Variants in CHEK1 observed in about 807,000 individuals in gnomAD.
CHEK1 encodes the protein checkpoint kinase 1.
A neutral mutation model predicts 60.2 loss-of-function variants in CHEK1; 32 were observed. The ratio of observed to expected loss-of-function variants is 0.53; its 90% CI spans 0.40 to 0.71. CHEK1 has a LOEUF of 0.71. Among genes scored for constraint, CHEK1 ranks in the 30% least tolerant of loss-of-function variants. The probability of loss-of-function intolerance (pLI) is 0.00; values close to 1 mark genes in which losing one functional copy is unlikely to be tolerated. For missense variants in CHEK1, 399 were observed against 564.6 expected (o/e 0.71, Z 2.97); for synonymous variants, 179 against 187.2 (o/e 0.96, Z 0.36).
downstream of CHEK1, chr11:125,676,615 G>T: frequency 2.7e-6 from 3 of 1,130,484 alleles, no homozygotes; most frequent in Non-Finnish European, 3.8e-6. Context: ...TGGGGATCTG[G>T]GCCCTGTGTC....
chr11:125,677,794 C>T (rs754933761), downstream of CHEK1: 24 of 1,613,524 alleles, frequency 1.5e-5, no homozygotes, highest in Admixed American at 3.3e-5. Context: ...AAACATGGCT[C>T]ACCTGTAGAT....
chr11:125,677,909 T>G, downstream of CHEK1: 1 of 1,614,020 alleles, frequency 6.2e-7, no homozygotes, highest in Non-Finnish European at 8.5e-7. Context: ...CGGAGCCATG[T>G]TCACCTGAAG....
intron 7 of CHEK1, among the ~76,000 whole-genome samples, chr11:125,637,183 G>C (rs183383148): frequency 1.3e-5 from 2 of 152,188 alleles, no homozygotes; most frequent in South Asian, 2.1e-4. Flanking sequence ...TGTTAATCTC[G>C]TCACATGAGG....
rs778721878 is a variant in CHEK1 at position 125,627,754 on chromosome 11, T to C, written c.213T>C (p.Tyr71=). The change falls in exon 3 of 13, where the codon TAT becomes TAC. Residue 71 remains tyrosine (Y), a synonymous_variant. Coordinates refer to ENST00000438015, the MANE Select transcript of CHEK1 (RefSeq NM_001114122.3). ...ATCATGAAAATGTAGTAAAATTCTA[T>C]GGTCACAGGAGAGAAGGCAATATCC... ...MLNHENVVKF[Y]GHRREGNIQY... 1.2e-6 allele frequency: 2 copies of C among 1,613,540 alleles called. No homozygotes were observed. The highest frequency in any genetic ancestry group is 1.7e-6 in the Non-Finnish European group (2 of 1,179,870).
rs183503651 is a variant in CHEK1 at position 125,648,782 on chromosome 11, A to G, written c.1233+4139A>G. ...AGTTTCGAGTCTTTCAGCATTAAGT[A>G]TGATGTTAGCTGTGGGGTTTTTGTT... On this transcript the variant is annotated intron_variant, in intron 11 of 12. Transcript: ENST00000438015. Among the ~76,000 whole-genome samples, 23 of 152,116 alleles carry G rather than the reference A, an allele frequency of 1.5e-4. 1 individual carries two copies. The highest frequency in any genetic ancestry group is 1.4e-3 in the Admixed American group (22 of 15,272).
Position 125,633,240 on chromosome 11 carries a change from T to G in CHEK1, c.502T>G (p.Cys168Gly), listed in dbSNP as rs745384189. The change falls in exon 6 of 13, where the codon TGT becomes GGT. Residue 168 changes from cysteine to glycine, a missense_variant. Physicochemically the swap from Cys to Gly is radical, Grantham distance 159. Around this residue, in one of 2 missense-constraint regions of CHEK1, gnomAD observed 370 missense variants for 494.8 expected, o/e 0.75. Transcript: ENST00000438015. ...NNRERLLNKM[C>G]GTLPYVAPEL... is the part of the protein sequence containing the mutation. ...TCGTGAGCGTTTGTTGAACAAGATG[T>G]GTGGTACTTTACCATATGTTGCTCC... The G allele has an allele frequency of 6.2e-7, 1 of 1,606,872 alleles. No individual in the cohort carries two copies. Among genetic ancestry groups the G allele is most frequent in the Admixed American group, 1.7e-5 (1 of 57,478 alleles).
chr11:125,657,973 A>G (rs1941949984), downstream of CHEK1, among the ~76,000 whole-genome samples: 1 of 152,268 alleles, frequency 6.6e-6, no homozygotes, highest in Non-Finnish European at 1.5e-5. Flanking sequence ...GATCTAAAGC[A>G]TAAGAATGTT....
In CHEK1 at chr11:125,627,716, A is replaced by C; in HGVS notation, c.175A>C (p.Asn59His). The stretch of plus-strand genomic sequence containing the variant: ...AAATATTAAGAAAGAGATCTGTATC[A>C]ATAAAATGCTAAATCATGAAAATGT... ...PENIKKEICI[N>H]KMLNHENVVK... Residue 59 changes from asparagine to histidine, a missense_variant, in exon 3 of 13, where the codon AAT (asparagine) becomes CAT (histidine). This residue lies in a region of CHEK1 where 370 missense variants were observed against 494.8 expected (regional missense o/e 0.75). Coordinates refer to ENST00000438015, the MANE Select transcript of CHEK1 (RefSeq NM_001114122.3). 6.2e-7 allele frequency: 1 copy of C among 1,613,782 alleles called. No homozygotes were observed. The highest frequency in any genetic ancestry group is 1.3e-5 in the African/African-American group (1 of 75,054).
At chr11:125,654,258 AG>A (rs1260337374) in intron 12 of CHEK1, among the ~76,000 whole-genome samples, 1 of 152,156 alleles carries the variant, frequency 6.6e-6, no homozygotes, top group Non-Finnish European at 1.5e-5. Flanking sequence ...TGAACCTGGG[AG>A]GCGGAGGTTG....
rs2135963730 is a variant in CHEK1 at position 125,625,571 on chromosome 11, C to T, written c.-462C>T. ...CTGTCCGGTGGCCTCACGCAGGTGGCGGTGCAGCCTTTCAGGCCCAGAGCG... is the reference window on the plus strand; with the variant it reads ...CTGTCCGGTGGCCTCACGCAGGTGGTGGTGCAGCCTTTCAGGCCCAGAGCG... On this transcript the variant is annotated 5_prime_UTR_variant, in exon 1 of 13. Transcript: ENST00000438015. The T allele has an allele frequency of 1.7e-6, 1 of 589,000 alleles. No individual in the cohort carries two copies. The highest frequency in any genetic ancestry group is 3.0e-6 in the Non-Finnish European group (1 of 329,878). The allele number at this position is 589,000 out of a possible 1,614,324, so 36.5% of individuals were successfully genotyped here.
Position 125,655,570 on chromosome 11 carries a change from T to C in CHEK1, c.*250T>C, listed in dbSNP as rs1358449867. The C allele has an allele frequency of 3.2e-6, 1 of 311,116 alleles. No homozygotes were observed. The highest frequency in any genetic ancestry group is 4.8e-5 in the East Asian group (1 of 20,650). 19.3% of individuals were successfully genotyped at this position (311,116 alleles called of 1,614,324 possible). A position where few individuals can be genotyped will look rare whatever the true frequency, so the allele number is the denominator to read the frequency against. ...TCATTTGATTATTTCTTCATGTGTG[T>C]TTAGTATCTGAATTTGAAACTCATC... On this transcript the variant is annotated 3_prime_UTR_variant, in exon 13 of 13. Transcript: ENST00000438015.
At chr11:125,626,550 G>GCGATTGTGATTTACACGACA (rs1390446785) in intron 1 of CHEK1, 199 bp from the exon 2 acceptor site, 1 of 569,806 alleles carries the variant, frequency 1.8e-6, no homozygotes, top group East Asian at 2.9e-5. Context: ...CTTGGGAGTG[G>GCGATTGTGATTTACACGACA]CGATTGTGAT....
intron 8 of CHEK1, among the ~76,000 whole-genome samples, chr11:125,638,574 C>G (rs3731427): frequency 4.0e-4 from 61 of 152,162 alleles, no homozygotes; most frequent in Non-Finnish European, 6.5e-4. Context: ...CTTGTCCTAA[C>G]TTAAAGTCCA....
At position 125,653,502 on chromosome 11, in the gene CHEK1, A is replaced by T. The variant is rs1347774657; in HGVS notation, c.1234-244A>T. 6.6e-6 allele frequency among the ~76,000 whole-genome samples: 1 copy of T among 152,238 alleles called. No individual in the cohort carries two copies. On this transcript the variant is annotated intron_variant, in intron 11 of 12. Coordinates refer to ENST00000438015, the MANE Select transcript of CHEK1 (RefSeq NM_001114122.3). The surrounding 1 kb of genome is among the most constrained non-coding windows in gnomAD (Gnocchi z 4.3). ...AGGCGTGAGCCACAGTGCCTGGCCTACACTCATCTGTTGTTGGATACCTAG... is the reference window on the plus strand; with the variant it reads ...AGGCGTGAGCCACAGTGCCTGGCCTTCACTCATCTGTTGTTGGATACCTAG...
chr11:125,629,554 C>CA lies in CHEK1; in HGVS notation c.424+98dup, dbSNP rs1462468460. On this transcript the variant is annotated intron_variant, in intron 5 of 12. Coordinates refer to ENST00000438015, the MANE Select transcript of CHEK1 (RefSeq NM_001114122.3). ...ATTATTTTAATATAGCCATACAAGG[C>CA]AAAATCAAGTCTTTTTGCATTACTG... The CA allele has an allele frequency of 5.5e-6, 5 of 901,548 alleles. No homozygotes were observed. In the African/African-American group the frequency reaches 8.6e-5, roughly 15 times the overall value. 55.8% of individuals were successfully genotyped at this position (901,548 alleles called of 1,614,324 possible). A position where few individuals can be genotyped will look rare whatever the true frequency, so the allele number is the denominator to read the frequency against.
At position 125,627,652 on chromosome 11, in the gene CHEK1, G is replaced by A. The variant is rs1940675965; in HGVS notation, c.111G>A (p.Val37=). ...VNRVTEEAVA[V]KIVDMKRAVD... Reference sequence around the variant, plus strand: ...GAGTAACTGAAGAAGCAGTCGCAGTGAAGATTGTAGATATGAAGCGTGCCG... The same window carrying A: ...GAGTAACTGAAGAAGCAGTCGCAGTAAAGATTGTAGATATGAAGCGTGCCG... The change falls in exon 3 of 13, where the codon GTG becomes GTA. Residue 37 remains valine (V), a synonymous_variant. Coordinates refer to ENST00000438015, the MANE Select transcript of CHEK1 (RefSeq NM_001114122.3). 1 of 1,613,874 alleles carries A rather than the reference G, an allele frequency of 6.2e-7. No homozygotes were observed. The highest frequency in any genetic ancestry group is 8.5e-7 in the Non-Finnish European group (1 of 1,179,916).
intron 13 of CHEK1, among the ~76,000 whole-genome samples, chr11:125,673,650 A>G (rs766206326): frequency 2.9e-4 from 44 of 152,204 alleles, no homozygotes; most frequent in Non-Finnish European, 5.6e-4. Flanking sequence ...CAATATGCTA[A>G]GGGCATCTAA....
intron 2 of CHEK1, 120 bp downstream of exon 2, chr11:125,626,953 C>A: frequency 9.4e-7 from 1 of 1,060,608 alleles, no homozygotes; most frequent in Non-Finnish European, 1.4e-6. Flanking sequence ...ACTGAAGTTA[C>A]ACAGCCTTTT....
intron 13 of CHEK1, chr11:125,672,777 A>G: frequency 1.9e-6 from 3 of 1,601,044 alleles, no homozygotes; most frequent in Non-Finnish European, 2.6e-6. Context: ...CTTAGCCTTT[A>G]TCTGTGATGC....
Sources: allele counts gnomAD v4.1 joint callset (sites outside exome capture counted in the v4.1 genomes callset), GRCh38; gene constraint gnomAD v4.1.1; regional missense constraint gnomAD v4.1.1; non-coding constraint Gnocchi (gnomAD v3.1); transcripts MANE v1.5; gene names NCBI Gene and HGNC (gene_info 2026-07-23, HGNC 2026-07-21).